SPATS2L: variants seen among roughly 807,000 people sequenced by gnomAD.
SPATS2L encodes the protein spermatogenesis associated serine rich 2 like, also known as SPATS2-like protein.
Under a neutral mutation model 59.6 loss-of-function variants are expected in SPATS2L, and 30 were observed. The observed-to-expected ratio is 0.50, with a 90% CI of 0.38 to 0.68. The LOEUF (loss-of-function observed/expected upper bound fraction) is 0.68, where lower values mean the gene tolerates loss of function less well. SPATS2L is among the 30% of genes least tolerant of loss of function. SPATS2L has a pLI of 0.00. For synonymous variants in SPATS2L, 252 were observed against 263.5 expected (o/e 0.96, Z 0.42); for missense variants, 615 against 700.0 (o/e 0.88, Z 1.37).
At chr2:200,470,677 G>T (rs980581584) in intron 11 of SPATS2L, among the ~76,000 whole-genome samples, 1 of 152,122 alleles carries the variant, frequency 6.6e-6, no homozygotes, top group Non-Finnish European at 1.5e-5. Context: ...TCAATGACGT[G>T]GAAACCCACA....
chr2:200,431,455 T>C (rs1452839814), intron 6 of SPATS2L, among the ~76,000 whole-genome samples: 1 of 152,216 alleles, frequency 6.6e-6, no homozygotes, highest in Non-Finnish European at 1.5e-5. Flanking sequence ...AAAGTTATGC[T>C]TTGTTTCTTT....
At chr2:200,477,615 A>G in intron 12 of SPATS2L, 21 bp from the exon 13 acceptor site, 1 of 1,508,400 alleles carries the variant, frequency 6.6e-7, no homozygotes, top group South Asian at 1.3e-5. Flanking sequence ...TCTGATACTT[A>G]TCTCTTTTCT....
intron 1 of SPATS2L, among the ~76,000 whole-genome samples, chr2:200,315,546 A>G (rs558809281): frequency 8.5e-5 from 13 of 152,112 alleles, no homozygotes; most frequent in African/African-American, 2.9e-4. Context: ...CTAAGTCCCA[A>G]CTCCCCTACT....
At chr2:200,437,363 G>A (rs1342785427) in intron 6 of SPATS2L, among the ~76,000 whole-genome samples, 2 of 152,084 alleles carry the variant, frequency 1.3e-5, no homozygotes, top group Non-Finnish European at 2.9e-5. Flanking sequence ...TTTTACAGTA[G>A]GGTTTCTCTG....
chr2:200,476,945 A>G (rs1469235742), intron 12 of SPATS2L, among the ~76,000 whole-genome samples: 7 of 152,190 alleles, frequency 4.6e-5, no homozygotes, highest in African/African-American at 7.2e-5. Flanking sequence ...ATGGAGTGGG[A>G]ACGTATTCTT....
chr2:200,451,738 T>G (rs1333684151), intron 8 of SPATS2L, among the ~76,000 whole-genome samples: 2 of 152,138 alleles, frequency 1.3e-5, no homozygotes, highest in East Asian at 3.9e-4. Context: ...ACTATATCAG[T>G]TTCTTCCAGT....
At chr2:200,362,923 C>T (rs2105874222) in intron 2 of SPATS2L, among the ~76,000 whole-genome samples, 1 of 152,260 alleles carries the variant, frequency 6.6e-6, no homozygotes, top group Non-Finnish European at 1.5e-5. Flanking sequence ...AGCCTAACCC[C>T]CAGGAATATA....
chr2:200,362,495 G>T (rs1313713429), intron 2 of SPATS2L, among the ~76,000 whole-genome samples: 1 of 152,172 alleles, frequency 6.6e-6, no homozygotes, highest in Non-Finnish European at 1.5e-5. Context: ...TGGCAAGAAG[G>T]GGACAAAAGA....
intron 6 of SPATS2L, among the ~76,000 whole-genome samples, chr2:200,428,024 C>T (rs984442177): frequency 6.6e-6 from 1 of 150,514 alleles, no homozygotes; most frequent in Non-Finnish European, 1.5e-5. Context: ...GAGCCGTGAT[C>T]ACACCATTGC....
At chr2:200,330,104 C>G (rs3892099) in intron 2 of SPATS2L, among the ~76,000 whole-genome samples, 16,326 of 124,920 alleles carry the variant, frequency 0.13, 938 homozygotes, top group Non-Finnish European at 0.16. Context: ...TTGGTTTCCT[C>G]TTCTTTAAGA....
intron 1 of SPATS2L, among the ~76,000 whole-genome samples, chr2:200,326,802 A>C (rs953478944): frequency 6.6e-6 from 1 of 151,290 alleles, no homozygotes; most frequent in African/African-American, 2.4e-5. Context: ...ATCTCGGCTT[A>C]CTGCAACCTG....
At chr2:200,333,120 TA>T (rs1553508435) in intron 2 of SPATS2L, among the ~76,000 whole-genome samples, 2 of 150,042 alleles carry the variant, frequency 1.3e-5, no homozygotes, top group Non-Finnish European at 1.5e-5. Flanking sequence ...TTTCTACAAA[TA>T]CAAAAAAAAA....
intron 3 of SPATS2L, among the ~76,000 whole-genome samples, chr2:200,396,672 A>G (rs942715741): frequency 6.6e-6 from 1 of 152,196 alleles, no homozygotes. Flanking sequence ...CATTAACTCC[A>G]TTTAATAGAT....
intron 8 of SPATS2L, among the ~76,000 whole-genome samples, chr2:200,455,496 T>C (rs1160290833): frequency 6.6e-6 from 1 of 152,210 alleles, no homozygotes; most frequent in East Asian, 1.9e-4. Flanking sequence ...ACTGGCACTC[T>C]ACCTAATGTG....
At chr2:200,391,355 T>G (rs1337461346) in intron 3 of SPATS2L, among the ~76,000 whole-genome samples, 2 of 152,252 alleles carry the variant, frequency 1.3e-5, no homozygotes, top group Non-Finnish European at 2.9e-5. Flanking sequence ...AATAGAGAAG[T>G]ACATATATTA....
chr2:200,361,455 C>T (rs902685505), intron 2 of SPATS2L, among the ~76,000 whole-genome samples: 1 of 152,110 alleles, frequency 6.6e-6, no homozygotes, highest in African/African-American at 2.4e-5. Context: ...AAAATCTATC[C>T]AATTAAAAAA....
rs544443715 is a variant in SPATS2L at position 200,333,478 on chromosome 2, T to A, written c.-23+3998T>A. ...GGGAGTTTGGGGTACAAGGGTTTTT[T>A]AAAATTTTTTTTATTTTTTATTTTA... On this transcript the variant is annotated intron_variant, in intron 2 of 12. Transcript: ENST00000409140. 1.1e-4 allele frequency among the ~76,000 whole-genome samples: 16 copies of A among 151,842 alleles called. No individual in the cohort carries two copies. The East Asian group carries it at 1.3e-3, about 13-fold the overall frequency.
At chr2:200,337,878 A>G (rs558704622) in intron 2 of SPATS2L, among the ~76,000 whole-genome samples, 6 of 152,306 alleles carry the variant, frequency 3.9e-5, no homozygotes, top group African/African-American at 1.2e-4. Context: ...TTGTTCACCA[A>G]TATTTCCTGT....
chr2:200,473,128 A>G (rs2087200570), intron 12 of SPATS2L, 76 bp downstream of exon 12: 3 of 1,386,370 alleles, frequency 2.2e-6, no homozygotes, highest in Middle Eastern at 2.5e-4. Context: ...AACAGCAACT[A>G]CTAGATTCTG....
Sources: gnomAD v4.1 joint callset for allele counts (sites outside exome capture counted in the v4.1 genomes callset) on GRCh38, gnomAD v4.1.1 for gene constraint, MANE v1.5 for transcripts, NCBI Gene and HGNC (gene_info 2026-07-23, HGNC 2026-07-21) for gene names.